CCDC38: variants seen among roughly 807,000 people sequenced by gnomAD.
CCDC38 encodes the protein coiled-coil domain containing 38.
In CCDC38, 69 loss-of-function variants were observed where a neutral mutation model predicts 72.8. That is an observed-to-expected ratio of 0.95 (90% CI 0.78 to 1.16). The LOEUF (loss-of-function observed/expected upper bound fraction) is 1.16, where lower values mean the gene tolerates loss of function less well. CCDC38 is among the 50% of genes most tolerant of loss of function. The pLI is 0.00. For missense variants in CCDC38, 626 were observed against 638.9 expected (o/e 0.98, Z 0.22); for synonymous variants, 201 against 213.2 (o/e 0.94, Z 0.50).
chr12:95,897,427 G>T (rs1592774136), intron 7 of CCDC38, among the ~76,000 whole-genome samples: 1 of 151,848 alleles, frequency 6.6e-6, no homozygotes, highest in South Asian at 2.1e-4. Flanking sequence ...TGGCTAACGT[G>T]GTGAAACCCC....
intron 2 of CCDC38, among the ~76,000 whole-genome samples, chr12:95,932,853 G>T (rs571182471): frequency 6.6e-6 from 1 of 152,294 alleles, no homozygotes; most frequent in East Asian, 1.9e-4. Context: ...TGGGGAGATT[G>T]CTCTGCTGTG....
chr12:95,894,088 G>A (rs1166969381), intron 8 of CCDC38, among the ~76,000 whole-genome samples: 1 of 152,000 alleles, frequency 6.6e-6, no homozygotes, highest in Non-Finnish European at 1.5e-5. Context: ...GCATGGTGGT[G>A]CGTGGCTGTA....
intron 2 of CCDC38, among the ~76,000 whole-genome samples, chr12:95,920,576 T>C (rs1222068714): frequency 2.0e-5 from 3 of 152,100 alleles, no homozygotes; most frequent in African/African-American, 7.2e-5. Flanking sequence ...ATTGGAAACA[T>C]GTTAAGTAAA....
At chr12:95,898,245 T>G (rs1436105386) in intron 7 of CCDC38, 140 bp downstream of exon 7, 3 of 819,452 alleles carry the variant, frequency 3.7e-6, no homozygotes, top group Non-Finnish European at 6.1e-6. Context: ...ATGGACAGGT[T>G]ACTTATTTTT....
At chr12:95,919,732 A>C (rs1592794834) in intron 2 of CCDC38, 1 of 407,032 alleles carries the variant, frequency 2.5e-6, no homozygotes, top group Admixed American at 2.7e-5. Flanking sequence ...TACCACCATT[A>C]CCCTTACACC....
At chr12:95,892,081 CTTTTTTTTTTTTT>C (rs67478657) in intron 8 of CCDC38, among the ~76,000 whole-genome samples, 2 of 97,996 alleles carry the variant, frequency 2.0e-5, no homozygotes, top group Non-Finnish European at 3.8e-5. Flanking sequence ...GATCACTCTG[CTTTTTTTTTTTTT>C]TTTTTTTTGA....
intron 1 of CCDC38, among the ~76,000 whole-genome samples, chr12:95,939,960 A>G (rs7968332): frequency 0.084 from 12,857 of 152,234 alleles, 714 homozygotes; most frequent in Non-Finnish European, 0.13. Flanking sequence ...CTAGAGAATT[A>G]TGCTTAATGC....
At position 95,888,587 on chromosome 12, in the gene CCDC38, G is replaced by A. The variant is rs1005057831; in HGVS notation, c.872-81C>T. ...ATAACATGGAATTAGAAATGAGCCC[G>A]TGCACTTGGTGCAAGGTATTCATTT... On this transcript the variant is annotated intron_variant, in intron 9 of 15. Coordinates refer to ENST00000344280, the MANE Select transcript of CCDC38 (RefSeq NM_182496.3). 2.7e-5 allele frequency: 33 copies of A among 1,235,714 alleles called. No individual in the cohort carries two copies. The Middle Eastern group carries it at 5.6e-4, about 21-fold the overall frequency. 76.5% of individuals were successfully genotyped at this position (1,235,714 alleles called of 1,614,324 possible). A position where few individuals can be genotyped will look rare whatever the true frequency, so the allele number is the denominator to read the frequency against.
chr12:95,877,095 C>T (rs2079644025), intron 13 of CCDC38, among the ~76,000 whole-genome samples: 1 of 152,066 alleles, frequency 6.6e-6, no homozygotes, highest in African/African-American at 2.4e-5. Flanking sequence ...CCTCCACAGA[C>T]AAGTTTATTG....
chr12:95,923,892 A>G (rs1185721572), intron 2 of CCDC38, among the ~76,000 whole-genome samples: 97 of 142,214 alleles, frequency 6.8e-4, no homozygotes, highest in African/African-American at 1.8e-3. Flanking sequence ...TTATGGCTGC[A>G]TAGTATTCCA....
At chr12:95,881,062 G>A (rs2079694704) in intron 11 of CCDC38, among the ~76,000 whole-genome samples, 1 of 151,980 alleles carries the variant, frequency 6.6e-6, no homozygotes, top group South Asian at 2.1e-4. Context: ...TCCCTTTTGA[G>A]TTTCTGTGGT....
chr12:95,873,607 C>T (rs1204481948), intron 13 of CCDC38, among the ~76,000 whole-genome samples: 1 of 152,156 alleles, frequency 6.6e-6, no homozygotes, highest in East Asian at 1.9e-4. Flanking sequence ...CCGGTGTTTG[C>T]AATTAAGAAG....
chr12:95,925,150 T>C (rs1283645596), intron 2 of CCDC38, among the ~76,000 whole-genome samples: 2 of 152,080 alleles, frequency 1.3e-5, no homozygotes, highest in Non-Finnish European at 2.9e-5. Flanking sequence ...ATTTTCACGA[T>C]ATTGATTCTT....
At chr12:95,904,451 C>T (rs2079980971) in intron 5 of CCDC38, among the ~76,000 whole-genome samples, 1 of 152,226 alleles carries the variant, frequency 6.6e-6, no homozygotes, top group African/African-American at 2.4e-5. Context: ...CTATTATACT[C>T]ATGGGTATAG....
chr12:95,889,774 A>G (rs1013428011), intron 9 of CCDC38, among the ~76,000 whole-genome samples: 6 of 152,232 alleles, frequency 3.9e-5, no homozygotes, highest in African/African-American at 1.4e-4. Flanking sequence ...GTAAGAACAA[A>G]GCAACTGGAG....
At chr12:95,926,768 C>T (rs2080275744) in intron 2 of CCDC38, among the ~76,000 whole-genome samples, 1 of 151,630 alleles carries the variant, frequency 6.6e-6, no homozygotes. Flanking sequence ...TTTCAAAGAA[C>T]ATCTTTATTT....
intron 4 of CCDC38, among the ~76,000 whole-genome samples, chr12:95,911,422 A>G (rs2136710718): frequency 6.6e-6 from 1 of 152,330 alleles, no homozygotes; most frequent in African/African-American, 2.4e-5. Flanking sequence ...AAAAAACACT[A>G]TCAACAGACT....
intron 2 of CCDC38, among the ~76,000 whole-genome samples, chr12:95,927,343 A>G (rs1293883209): frequency 2.0e-5 from 3 of 151,226 alleles, no homozygotes; most frequent in Non-Finnish European, 2.9e-5. Flanking sequence ...CTGTTTTATC[A>G]GAGACTAGGA....
intron 4 of CCDC38, among the ~76,000 whole-genome samples, chr12:95,910,451 T>C (rs1460046778): frequency 1.3e-5 from 2 of 152,198 alleles, no homozygotes; most frequent in African/African-American, 2.4e-5. Flanking sequence ...TCCAGGCTCA[T>C]GGATTGGAAC....
Sources: allele counts gnomAD v4.1 joint callset (sites outside exome capture counted in the v4.1 genomes callset), GRCh38; gene constraint gnomAD v4.1.1; transcripts MANE v1.5; gene names NCBI Gene and HGNC (gene_info 2026-07-23, HGNC 2026-07-21).